The following CATSPERH variants were observed in gnomAD, a reference collection of about 807,000 sequenced individuals.
The protein encoded by CATSPERH is catsper channel auxiliary subunit eta, also known as cation channel sperm-associated auxiliary subunit eta.
chr11:65,088,542 G>C, the CATSPERH span: 1 of 1,531,662 alleles, frequency 6.5e-7, no homozygotes, highest in Non-Finnish European at 8.7e-7. Context: ...CTGGGCGGGG[G>C]ACAGAGCCCC....
the CATSPERH span, chr11:65,088,988 C>A: frequency 1.3e-6 from 2 of 1,535,744 alleles, no homozygotes; most frequent in East Asian, 2.4e-5. Context: ...GAGCATCATG[C>A]CTTTTGGGAA....
At chr11:65,088,547 A>C in the CATSPERH span, 6 of 1,526,690 alleles carry the variant, frequency 3.9e-6, no homozygotes, top group African/African-American at 8.2e-5. Context: ...CGGGGGACAG[A>C]GCCCCCCATG....
the CATSPERH span, chr11:65,088,751 C>G: frequency 6.5e-7 from 1 of 1,536,186 alleles, no homozygotes; most frequent in Non-Finnish European, 8.7e-7. Flanking sequence ...CCTGGGAGAA[C>G]TGTAGGCCCA....
the CATSPERH span, chr11:65,088,966 C>T: frequency 6.8e-5 from 105 of 1,535,702 alleles, no homozygotes; most frequent in African/African-American, 1.1e-4. Flanking sequence ...AGAGCATCAG[C>T]GCAGCCGTGG....
At chr11:65,088,885 C>A in the CATSPERH span, 1 of 1,535,796 alleles carries the variant, frequency 6.5e-7, no homozygotes, top group South Asian at 1.2e-5. Context: ...AGTGAAAGCT[C>A]ATGTGGTCAT....
At chr11:65,088,448 C>T in the CATSPERH span, 1 of 1,536,282 alleles carries the variant, frequency 6.5e-7, no homozygotes, top group Non-Finnish European at 8.7e-7. Context: ...TTCCGACTCC[C>T]CAGGCCTCAG....
chr11:65,088,906 G>A, the CATSPERH span: 1 of 1,535,800 alleles, frequency 6.5e-7, no homozygotes, highest in Non-Finnish European at 8.7e-7. Context: ...AGTGGTAGGT[G>A]ATGCAGAAGT....
At chr11:65,088,566 T>C in the CATSPERH span, 2 of 1,526,406 alleles carry the variant, frequency 1.3e-6, no homozygotes, top group Non-Finnish European at 1.8e-6. Context: ...TGAGCCCCAG[T>C]ACCCTTCCCT....
At chr11:65,088,552 C>T in the CATSPERH span, 2 of 1,526,430 alleles carry the variant, frequency 1.3e-6, no homozygotes, top group Non-Finnish European at 1.8e-6. Context: ...GACAGAGCCC[C>T]CCATGAGCCC....
chr11:65,088,387 A>C, the CATSPERH span: 2 of 1,457,428 alleles, frequency 1.4e-6, no homozygotes, highest in Non-Finnish European at 1.9e-6. Context: ...ATAAACAACA[A>C]CTTTATTAAA....
chr11:65,088,799 T>C, the CATSPERH span: 1 of 1,534,404 alleles, frequency 6.5e-7, no homozygotes, highest in South Asian at 1.2e-5. Context: ...AACAGTGGGG[T>C]TTCCATCAGC....
At chr11:65,088,423 CCCT>C in the CATSPERH span, 1 of 1,534,322 alleles carries the variant, frequency 6.5e-7, no homozygotes. Flanking sequence ...TTTTGCTTCC[CCCT>C]CCTTAGCCCT....
the CATSPERH span, chr11:65,088,506 G>A: frequency 6.5e-7 from 1 of 1,536,034 alleles, no homozygotes; most frequent in Non-Finnish European, 8.7e-7. Flanking sequence ...AGGACAGGCG[G>A]TTGAAGAACA....
the CATSPERH span, chr11:65,088,853 C>T: frequency 4.6e-6 from 7 of 1,535,776 alleles, no homozygotes; most frequent in Non-Finnish European, 6.1e-6. Context: ...CTGCCCTGAG[C>T]CTACCATCAG....
the CATSPERH span, chr11:65,088,872 T>C: frequency 1.3e-6 from 2 of 1,535,708 alleles, no homozygotes; most frequent in East Asian, 4.9e-5. Context: ...AGGACGACCG[T>C]GTAGTGAAAG....
the CATSPERH span, chr11:65,088,745 G>A: frequency 6.5e-7 from 1 of 1,536,162 alleles, no homozygotes; most frequent in Middle Eastern, 1.7e-4. Flanking sequence ...TGATCACCTG[G>A]GAGAACTGTA....
At chr11:65,089,037 C>T in the CATSPERH span, 2 of 1,535,152 alleles carry the variant, frequency 1.3e-6, no homozygotes, top group Non-Finnish European at 1.7e-6. Context: ...CACATCTTGC[C>T]CGCAGTGTAG....
the CATSPERH span, chr11:65,088,534 G>T: frequency 3.3e-6 from 5 of 1,534,030 alleles, no homozygotes; most frequent in African/African-American, 2.7e-5. Flanking sequence ...GTTGAGCACT[G>T]GGCGGGGGAC....
At chr11:65,088,971 C>A in the CATSPERH span, 2 of 1,535,758 alleles carry the variant, frequency 1.3e-6, no homozygotes, top group East Asian at 4.9e-5. Context: ...ATCAGCGCAG[C>A]CGTGGTGAGC....
Sources: gnomAD v4.1 joint callset for allele counts on GRCh38, gnomAD v4.1.1 for gene constraint, MANE v1.5 for transcripts, NCBI Gene and HGNC (gene_info 2026-07-23, HGNC 2026-07-21) for gene names.